Variants in DOCK10 observed in about 807,000 individuals in gnomAD.
The protein encoded by DOCK10 is dedicator of cytokinesis protein 10.
Under a neutral mutation model 280.1 loss-of-function variants are expected in DOCK10, and 145 were observed. The ratio of observed to expected loss-of-function variants is 0.52; its 90% CI spans 0.45 to 0.59. DOCK10 has a LOEUF of 0.59. DOCK10 is among the 20% of genes least tolerant of loss of function. The pLI is 0.00. For missense variants in DOCK10, 2,368 were observed against 2,651.7 expected, an observed-to-expected ratio of 0.89 and a Z score of 2.35; for synonymous variants, 915 against 942.2, an observed-to-expected ratio of 0.97 and a Z score of 0.53.
At chr2:224,892,455 C>A (rs1047272765) in intron 4 of DOCK10, among the ~76,000 whole-genome samples, 22 of 55,686 alleles carry the variant, frequency 4.0e-4, no homozygotes, top group South Asian at 2.5e-3. Context: ...AGAAAAAAAT[C>A]GAAGAGGAGA....
intron 1 of DOCK10, among the ~76,000 whole-genome samples, chr2:225,006,503 T>C (rs765224052): frequency 1.3e-5 from 2 of 152,184 alleles, no homozygotes; most frequent in Non-Finnish European, 2.9e-5. Flanking sequence ...AGAGTTCCTC[T>C]CAATGCTTCC....
At chr2:224,832,198 C>T (rs72970988) in intron 26 of DOCK10, among the ~76,000 whole-genome samples, 95 of 152,274 alleles carry the variant, frequency 6.2e-4, no homozygotes, top group East Asian at 1.5e-3. Context: ...AATTTTGCTA[C>T]GAATACTTAT....
chr2:224,845,194 A>G lies in DOCK10; in HGVS notation c.2481+9T>C, dbSNP rs748405780. ...TTTTTAAAATCTTAAATTACACATT[A>G]TTCAATACCTTTCCACTTGCAGAAT... On this transcript the variant is annotated intron_variant, in intron 21 of 55. Coordinates refer to ENST00000258390, the MANE Select transcript of DOCK10 (RefSeq NM_014689.3). 1 of 1,565,780 alleles carries G rather than the reference A, an allele frequency of 6.4e-7. No individual in the cohort carries two copies. Among genetic ancestry groups the G allele is most frequent in the Non-Finnish European group, 8.7e-7 (1 of 1,153,618 alleles).
chr2:224,804,640 C>T (rs930624204), intron 38 of DOCK10, among the ~76,000 whole-genome samples, 154 bp downstream of exon 38: 5 of 152,048 alleles, frequency 3.3e-5, no homozygotes, highest in Non-Finnish European at 5.9e-5. Context: ...AGGCAATCTT[C>T]AAACTTACTG....
intron 1 of DOCK10, among the ~76,000 whole-genome samples, chr2:224,934,489 GT>G (rs1378881577): frequency 6.6e-6 from 1 of 152,226 alleles, no homozygotes; most frequent in Non-Finnish European, 1.5e-5. Flanking sequence ...ATATTCCATA[GT>G]GTCTAGAGCC....
At chr2:224,785,563 C>T (rs897743040) in intron 50 of DOCK10, among the ~76,000 whole-genome samples, 2 of 152,118 alleles carry the variant, frequency 1.3e-5, no homozygotes, top group Admixed American at 6.5e-5. Flanking sequence ...TCACTGCAAG[C>T]TCTGCCTCCT....
At chr2:224,874,816 G>A in intron 8 of DOCK10, 65 bp from the exon 9 acceptor site, 1 of 1,453,492 alleles carries the variant, frequency 6.9e-7, no homozygotes, top group Non-Finnish European at 9.6e-7. Context: ...CTTCTAGCCT[G>A]TGACATGCAA....
At chr2:224,779,059 A>G (rs1295817808) in intron 50 of DOCK10, among the ~76,000 whole-genome samples, 2 of 152,174 alleles carry the variant, frequency 1.3e-5, no homozygotes, top group Non-Finnish European at 2.9e-5. Context: ...TCTGGTTTGA[A>G]GCAGGGGGAA....
intron 1 of DOCK10, among the ~76,000 whole-genome samples, chr2:224,938,474 C>T (rs564864767): frequency 3.3e-5 from 5 of 152,138 alleles, no homozygotes; most frequent in Non-Finnish European, 5.9e-5. Flanking sequence ...TCTTGACACA[C>T]GGACAAGCAA....
intron 31 of DOCK10, among the ~76,000 whole-genome samples, chr2:224,810,278 A>T (rs1266283715): frequency 6.6e-6 from 1 of 152,168 alleles, no homozygotes; most frequent in Non-Finnish European, 1.5e-5. Context: ...CTGCAAAAAA[A>T]TTAAAGAAGT....
chr2:224,794,819 C>A, intron 45 of DOCK10, 60 bp downstream of exon 45: 1 of 1,552,732 alleles, frequency 6.4e-7, no homozygotes, highest in Non-Finnish European at 8.9e-7. Context: ...AAATGAAAAT[C>A]CAATTTTCCT....
chr2:224,797,225 T>A, intron 42 of DOCK10, 79 bp from the exon 43 acceptor site: 3 of 1,061,764 alleles, frequency 2.8e-6, no homozygotes, highest in Non-Finnish European at 3.8e-6. Flanking sequence ...TAAAATTCCC[T>A]AAAACAAAAT....
chr2:225,019,856 A>G (rs1402993380), intron 1 of DOCK10, among the ~76,000 whole-genome samples: 1 of 152,240 alleles, frequency 6.6e-6, no homozygotes, highest in Non-Finnish European at 1.5e-5. Context: ...GCCAAAATTT[A>G]AGTAGAAGTA....
chr2:225,010,909 T>G (rs1328966197), intron 1 of DOCK10, among the ~76,000 whole-genome samples: 1 of 152,158 alleles, frequency 6.6e-6, no homozygotes, highest in Admixed American at 6.5e-5. Context: ...TCTTCATGGT[T>G]CTAAATCAAA....
intron 25 of DOCK10, among the ~76,000 whole-genome samples, chr2:224,835,943 C>G (rs1248272974): frequency 6.6e-6 from 1 of 152,158 alleles, no homozygotes; most frequent in East Asian, 1.9e-4. Context: ...AAATAAAGGT[C>G]ACGCCAGGAT....
In DOCK10 at chr2:224,837,816, A is replaced by T. The variant is rs775333253; in HGVS notation, c.2796T>A (p.Ile932=). The T allele has an allele frequency of 3.1e-6, 5 of 1,613,910 alleles. No individual in the cohort carries two copies. Among genetic ancestry groups the T allele is most frequent in the Middle Eastern group, 1.6e-4 (1 of 6,062 alleles). The part of the protein sequence containing the change: ...TTTVTRVLTD[I]VAKCHEEQLD... ...GCTGCTCCTCATGGCACTTGGCCAC[A>T]ATGTCGGTCAGAACCCTGCAAAAGC... Residue 932 remains isoleucine (I), a synonymous_variant, in exon 25 of 56, where the codon ATT becomes ATA. Coordinates refer to ENST00000258390, the MANE Select transcript of DOCK10 (RefSeq NM_014689.3).
At position 224,845,623 on chromosome 2, in the gene DOCK10, G is replaced by A; in HGVS notation, c.2255C>T (p.Thr752Ile). 3 of 1,611,064 alleles carry A rather than the reference G, an allele frequency of 1.9e-6. No homozygotes were observed. Among genetic ancestry groups the A allele is most frequent in the Non-Finnish European group, 2.5e-6 (3 of 1,178,936 alleles). Residue 752 changes from threonine to isoleucine, a missense_variant, in exon 20 of 56, where the codon ACA becomes ATA. Physicochemically the swap from Thr to Ile is moderately conservative, Grantham distance 89. Around this residue, in one of 2 missense-constraint regions of DOCK10, gnomAD observed 1,209 missense variants for 1,250.9 expected, o/e 0.97. Transcript: ENST00000258390. ...AATATGGTGTTTCTCATGGAGTTGT[G>A]TTGGTAGCTCAATTTTCACCTGCAA... ...FSDEVKIELP[T>I]QLHEKHHILF...
chr2:224,969,989 C>G (rs1230055316), intron 1 of DOCK10, among the ~76,000 whole-genome samples: 1 of 152,174 alleles, frequency 6.6e-6, no homozygotes, highest in Non-Finnish European at 1.5e-5. Context: ...TCACTCATTT[C>G]CCCCAGTGGC....
At chr2:224,878,168 C>T (rs1698757816) in intron 7 of DOCK10, among the ~76,000 whole-genome samples, 2 of 152,298 alleles carry the variant, frequency 1.3e-5, no homozygotes, top group South Asian at 4.1e-4. Flanking sequence ...CTTTGGGATA[C>T]TCTCACAGAC....
Sources: allele counts gnomAD v4.1 joint callset (sites outside exome capture counted in the v4.1 genomes callset), GRCh38; gene constraint gnomAD v4.1.1; regional missense constraint gnomAD v4.1.1; transcripts MANE v1.5; gene names NCBI Gene and HGNC (gene_info 2026-07-23, HGNC 2026-07-21).